Variants in SYF2 observed in about 807,000 individuals in gnomAD.
The protein encoded by SYF2 is SYF2 pre-mRNA splicing factor, also known as pre-mRNA-splicing factor SYF2.
A neutral mutation model predicts 32.7 loss-of-function variants in SYF2; 21 were observed. The observed-to-expected ratio is 0.64, with a 90% confidence interval of 0.45 to 0.92. The LOEUF (loss-of-function observed/expected upper bound fraction) is 0.92, where lower values mean the gene tolerates loss of function less well. SYF2 is among the 40% of genes least tolerant of loss of function. The pLI is 0.00. For missense variants in SYF2, 278 were observed against 296.5 expected (o/e 0.94, Z 0.46); for synonymous variants, 114 against 103.9 (o/e 1.10, Z -0.59).
Position 25,228,158 on chromosome 1 carries a change from CTCCCATCTT to C in SYF2, c.327_335del (p.Trp111_Arg113del). On this transcript the variant is annotated inframe_deletion, in exon 4 of 7. Transcript: ENST00000236273. ...CAGGGTTTTTCCTCTTCTTTTTCCT[CTCCCATCTT>C]TCTGCATCTTCTGCACTGATCTCCA... 1 of 1,613,940 alleles carries C rather than the reference CTCCCATCTT, an allele frequency of 6.2e-7. No homozygotes were observed. The highest frequency in any genetic ancestry group is 1.1e-5 in the South Asian group (1 of 91,082).
chr1:25,227,356 T>C lies in SYF2; in HGVS notation c.467+86A>G, dbSNP rs1443317937. 6 of 1,097,404 alleles carry C rather than the reference T, an allele frequency of 5.5e-6. No homozygotes were observed. The Admixed American group carries it at 8.6e-5, about 16-fold the overall frequency. The allele number at this position is 1,097,404 out of a possible 1,614,324, so 68.0% of individuals were successfully genotyped here. ...ACTATTAATAACCCATACCTTAGCA[T>C]TAAAGCATGTTTCTATTTATGTACA... On this transcript the variant is annotated intron_variant, in intron 5 of 6. Coordinates refer to ENST00000236273, the MANE Select transcript of SYF2 (RefSeq NM_015484.5).
Position 25,232,496 on chromosome 1 carries a change from C to T in SYF2, c.-29G>A, listed in dbSNP as rs1638656702. 2 of 1,614,058 alleles carry T rather than the reference C, an allele frequency of 1.2e-6. No individual in the cohort carries two copies. The highest frequency in any genetic ancestry group is 1.1e-5 in the South Asian group (1 of 91,088). On this transcript the variant is annotated 5_prime_UTR_variant, in exon 1 of 7. Coordinates refer to ENST00000236273, the MANE Select transcript of SYF2 (RefSeq NM_015484.5). Reference sequence around the variant, plus strand: ...AACCTTTCTCTCTTCCCACTTCCGGCAACAAGATAGAGCACTTCCGTCAAC... The same window carrying T: ...AACCTTTCTCTCTTCCCACTTCCGGTAACAAGATAGAGCACTTCCGTCAAC...
At position 25,227,465 on chromosome 1, in the gene SYF2, T is replaced by C. The variant is rs764958142; in HGVS notation, c.444A>G (p.Thr148=). Residue 148 remains threonine, a synonymous_variant, in exon 5 of 7, where the codon ACA becomes ACG. Transcript: ENST00000236273. ...LTKQIKPDME[T]YERLREKHGE... is the part of the protein sequence containing the mutation. ...ACTGTTTTTCTCTCAGTCTCTCATATGTTTCCATGTCAGGTTTGATCTGCT... is the reference window on the plus strand; with the variant it reads ...ACTGTTTTTCTCTCAGTCTCTCATACGTTTCCATGTCAGGTTTGATCTGCT... The C allele has an allele frequency of 1.6e-5, 26 of 1,613,718 alleles. No individual in the cohort carries two copies. The East Asian group carries it at 1.8e-4, about 11-fold the overall frequency.
chr1:25,232,499 C>G lies in SYF2; in HGVS notation c.-32G>C, dbSNP rs1339346080. On this transcript the variant is annotated 5_prime_UTR_variant, in exon 1 of 7. Coordinates refer to ENST00000236273, the MANE Select transcript of SYF2 (RefSeq NM_015484.5). ...CTTTCTCTCTTCCCACTTCCGGCAA[C>G]AAGATAGAGCACTTCCGTCAACCTT... The G allele has an allele frequency of 6.2e-7, 1 of 1,614,056 alleles. No individual in the cohort carries two copies. The highest frequency in any genetic ancestry group is 1.3e-5 in the African/African-American group (1 of 74,928).
rs142804824 is a variant in SYF2 at position 25,231,838 on chromosome 1, G to A, written c.132+266C>T. ...GAATCACGGAGCAGGGAGGTTGTTAGTAATGGAGACTCCCAAACCTAACCC... is the reference window on the plus strand; with the variant it reads ...GAATCACGGAGCAGGGAGGTTGTTAATAATGGAGACTCCCAAACCTAACCC... On this transcript the variant is annotated intron_variant, in intron 2 of 6. Coordinates refer to ENST00000236273, the MANE Select transcript of SYF2 (RefSeq NM_015484.5). The A allele has an allele frequency of 8.8e-4, 485 of 552,150 alleles. 2 individuals are homozygous for A. The highest frequency in any genetic ancestry group is 8.4e-3 in the African/African-American group (444 of 52,984). The allele number at this position is 552,150 out of a possible 1,614,324, so 34.2% of individuals were successfully genotyped here.
At chr1:25,225,837 G>A (rs1393696275) in intron 5 of SYF2, among the ~76,000 whole-genome samples, 12 of 148,756 alleles carry the variant, frequency 8.1e-5, no homozygotes, top group African/African-American at 1.7e-4. Context: ...TAGCCCAGGC[G>A]ACAGTGCAAG....
chr1:25,229,670 G>A (rs1440734958), intron 2 of SYF2, among the ~76,000 whole-genome samples: 1 of 151,978 alleles, frequency 6.6e-6, no homozygotes, highest in Non-Finnish European at 1.5e-5. Flanking sequence ...AGCTACTCGG[G>A]AGGCTGAGGC....
chr1:25,225,907 G>C (rs1447033418), intron 5 of SYF2, among the ~76,000 whole-genome samples: 1 of 149,934 alleles, frequency 6.7e-6, no homozygotes, highest in Non-Finnish European at 1.5e-5. Flanking sequence ...AATAATCCCA[G>C]CACTTTGGGA....
chr1:25,222,989 TAAAATACATAGA>T lies in SYF2; in HGVS notation c.*265_*276del, dbSNP rs1462309225. 1.3e-5 allele frequency: 3 copies of T among 227,176 alleles called. No homozygotes were observed. Among genetic ancestry groups the T allele is most frequent in the Non-Finnish European group, 2.6e-5 (3 of 115,378 alleles). The allele number at this position is 227,176 out of a possible 1,614,324, so 14.1% of individuals were successfully genotyped here. A position where few individuals can be genotyped will look rare whatever the true frequency, so the allele number is the denominator to read the frequency against. On this transcript the variant is annotated 3_prime_UTR_variant, in exon 7 of 7. Transcript: ENST00000236273. ...CAAAGATTAAACAGCCATATACATTTAAAATACATAGAAAAATAATATAATTAGAATGTATAC... is the reference window on the plus strand; with the variant it reads ...CAAAGATTAAACAGCCATATACATTTAAAATAATATAATTAGAATGTATAC...
At chr1:25,229,667 C>T (rs1042685983) in intron 2 of SYF2, among the ~76,000 whole-genome samples, 6 of 151,408 alleles carry the variant, frequency 4.0e-5, no homozygotes, top group South Asian at 2.1e-4. Flanking sequence ...CCTAGCTACT[C>T]GGGAGGCTGA....
intron 6 of SYF2, among the ~76,000 whole-genome samples, chr1:25,224,055 G>A (rs1353609226): frequency 6.6e-6 from 1 of 152,062 alleles, no homozygotes; most frequent in Admixed American, 6.6e-5. Flanking sequence ...TTAGCCAGGA[G>A]TGGTGGTACA....
In SYF2 at chr1:25,232,473, C is replaced by A; in HGVS notation, c.-6G>T. On this transcript the variant is annotated 5_prime_UTR_variant, in exon 1 of 7. Coordinates refer to ENST00000236273, the MANE Select transcript of SYF2 (RefSeq NM_015484.5). Reference sequence around the variant, plus strand: ...GATGCAGCTATAGCCGCCATCACAACCTTTCTCTCTTCCCACTTCCGGCAA... The same window carrying A: ...GATGCAGCTATAGCCGCCATCACAAACTTTCTCTCTTCCCACTTCCGGCAA... 1 of 1,614,226 alleles carries A rather than the reference C, an allele frequency of 6.2e-7. No homozygotes were observed. Among genetic ancestry groups the A allele is most frequent in the Non-Finnish European group, 8.5e-7 (1 of 1,180,046 alleles).
intron 5 of SYF2, among the ~76,000 whole-genome samples, chr1:25,226,448 G>A (rs1227580464): frequency 6.6e-6 from 1 of 152,220 alleles, no homozygotes; most frequent in African/African-American, 2.4e-5. Flanking sequence ...CAGCACAGCT[G>A]AATAGCTGTG....
chr1:25,230,065 G>T (rs543755143), intron 2 of SYF2, among the ~76,000 whole-genome samples: 1 of 152,068 alleles, frequency 6.6e-6, no homozygotes, highest in Non-Finnish European at 1.5e-5. Context: ...TGATCTGCCC[G>T]CCTGGACCTC....
chr1:25,228,375 C>T lies in SYF2; in HGVS notation c.259-140G>A, dbSNP rs566849759. 16 of 757,004 alleles carry T rather than the reference C, an allele frequency of 2.1e-5. No homozygotes were observed. The East Asian group carries it at 3.2e-4, about 15-fold the overall frequency. The allele number at this position is 757,004 out of a possible 1,614,324, so 46.9% of individuals were successfully genotyped here. ...AGTTGGAGTTTCACTCACTCTGTCA[C>T]GCAGGCTGGAGTGCAGTGGCGCGAT... On this transcript the variant is annotated intron_variant, in intron 3 of 6. Transcript: ENST00000236273.
intron 2 of SYF2, chr1:25,231,143 G>T (rs1028864644): frequency 6.6e-6 from 1 of 152,166 alleles, no homozygotes; most frequent in African/African-American, 2.4e-5. Flanking sequence ...CAGAAGTAAC[G>T]GAGTGAGACT....
At position 25,225,016 on chromosome 1, in the gene SYF2, T is replaced by A. The variant is rs1638477457; in HGVS notation, c.552A>T (p.Ile184=). ...TGAATACTTACTGTTTTTCCAGATC[T>A]ATGACCATCCTGTCAATTTCCTCTG... The part of the protein sequence containing the change: ...PSTEEIDRMV[I]DLEKQIEKRD... The change falls in exon 6 of 7, where the codon ATA becomes ATT. Residue 184 remains isoleucine (I), a synonymous_variant. Coordinates refer to ENST00000236273, the MANE Select transcript of SYF2 (RefSeq NM_015484.5). The A allele has an allele frequency of 1.2e-6, 2 of 1,613,330 alleles. No homozygotes were observed. Among genetic ancestry groups the A allele is most frequent in the Non-Finnish European group, 1.7e-6 (2 of 1,179,362 alleles).
At chr1:25,231,992 A>T (rs1236027624) in intron 2 of SYF2, 112 bp downstream of exon 2, 5 of 1,045,460 alleles carry the variant, frequency 4.8e-6, no homozygotes, top group Non-Finnish European at 7.3e-6. Flanking sequence ...CTCTCAGATG[A>T]TCCTGCTCTG....
chr1:25,229,212 C>T (rs1358857066), intron 2 of SYF2, 89 bp from the exon 3 acceptor site: 1 of 1,476,552 alleles, frequency 6.8e-7, no homozygotes, highest in African/African-American at 1.4e-5. Context: ...TCAGGCAGGA[C>T]ATATTAATAA....
Sources: allele counts gnomAD v4.1 joint callset (sites outside exome capture counted in the v4.1 genomes callset), GRCh38; gene constraint gnomAD v4.1.1; transcripts MANE v1.5; gene names NCBI Gene and HGNC (gene_info 2026-07-23, HGNC 2026-07-21).